The following TMEM178B variants were observed in gnomAD, a reference collection of about 807,000 sequenced individuals.
TMEM178B encodes transmembrane protein 178B.
In TMEM178B, 5 loss-of-function variants were observed where a neutral mutation model predicts 31.0. The observed-to-expected ratio is 0.16, with a 90% CI of 0.08 to 0.34. The LOEUF (loss-of-function observed/expected upper bound fraction) is 0.34, where lower values mean the gene tolerates loss of function less well. TMEM178B is among the 10% of genes least tolerant of loss of function. The pLI is 1.00. For synonymous variants in TMEM178B, 164 were observed against 164.0 expected (o/e 1.00, Z 0.00); for missense variants, 275 against 400.3 (o/e 0.69, Z 2.67).
intron 2 of TMEM178B, among the ~76,000 whole-genome samples, chr7:141,213,641 T>A (rs977676982): frequency 6.6e-6 from 1 of 152,206 alleles, no homozygotes; most frequent in Non-Finnish European, 1.5e-5. Flanking sequence ...GATCTCTAGA[T>A]GGAAAACATC....
chr7:141,286,048 A>T (rs530654693), intron 2 of TMEM178B, among the ~76,000 whole-genome samples: 25 of 152,280 alleles, frequency 1.6e-4, no homozygotes, highest in Non-Finnish European at 1.9e-4. Context: ...CTATGTAACA[A>T]ACCTGCACGT....
chr7:141,420,047 T>C (rs1377529364), intron 2 of TMEM178B, among the ~76,000 whole-genome samples: 4 of 152,280 alleles, frequency 2.6e-5, no homozygotes, highest in Middle Eastern at 6.8e-3. Context: ...ACCCATTCCC[T>C]CCCTTCCTCA....
At chr7:141,369,227 T>C (rs1157072219) in intron 2 of TMEM178B, among the ~76,000 whole-genome samples, 4 of 152,124 alleles carry the variant, frequency 2.6e-5, no homozygotes, top group African/African-American at 4.8e-5. Flanking sequence ...AAAGATGTAG[T>C]TTCTTAAGTG....
At chr7:141,262,414 G>A (rs1798026867) in intron 2 of TMEM178B, among the ~76,000 whole-genome samples, 1 of 150,730 alleles carries the variant, frequency 6.6e-6, no homozygotes, top group East Asian at 1.9e-4. Context: ...AAGGGAGAAA[G>A]CGACAGCTTT....
chr7:141,166,270 T>C lies in TMEM178B; in HGVS notation c.383-46321T>C, dbSNP rs1796259058. ...CTCTAGGAGAGTGAGAAACACAGAC[T>C]GCAACCAGACAGGTGCTAAGAGGTC... is the stretch of plus-strand genomic sequence containing the variant. On this transcript the variant is annotated intron_variant, in intron 1 of 3. Transcript: ENST00000565468. Among the ~76,000 whole-genome samples the C allele has an allele frequency of 2.6e-5, 4 of 152,324 alleles. No individual in the cohort carries two copies. The South Asian group carries it at 8.3e-4, about 32-fold the overall frequency.
chr7:141,228,122 G>A (rs745705382), intron 2 of TMEM178B, among the ~76,000 whole-genome samples: 23 of 152,102 alleles, frequency 1.5e-4, no homozygotes, highest in South Asian at 2.1e-4. Flanking sequence ...CATGAATCGT[G>A]TATCTTTTTG....
chr7:141,097,763 G>C (rs893704316), intron 1 of TMEM178B, among the ~76,000 whole-genome samples: 3 of 147,986 alleles, frequency 2.0e-5, no homozygotes, highest in African/African-American at 7.5e-5. Context: ...ATCGCCATTC[G>C]CTTTATGTTT....
intron 2 of TMEM178B, among the ~76,000 whole-genome samples, chr7:141,307,708 T>A (rs1389593975): frequency 6.6e-6 from 1 of 152,230 alleles, no homozygotes. Context: ...AAACACTTGC[T>A]TTCAATCTTT....
chr7:141,459,062 T>C (rs189702128), intron 3 of TMEM178B, among the ~76,000 whole-genome samples: 2 of 152,230 alleles, frequency 1.3e-5, no homozygotes, highest in Non-Finnish European at 2.9e-5. Context: ...AGAGTTTCAC[T>C]CTTATTGCCC....
intron 1 of TMEM178B, among the ~76,000 whole-genome samples, chr7:141,127,973 A>G (rs1383810478): frequency 2.0e-5 from 3 of 152,184 alleles, no homozygotes; most frequent in Admixed American, 6.5e-5. Flanking sequence ...CGCGAACCAC[A>G]GGGCATAAGA....
At chr7:141,432,146 C>CTTTTTTTTTTTTTTTTTTTTT (rs71170797) in intron 2 of TMEM178B, among the ~76,000 whole-genome samples, 15 of 79,086 alleles carry the variant, frequency 1.9e-4, no homozygotes, top group African/African-American at 6.1e-4. Context: ...TTCACTGCAT[C>CTTTTTTTTTTTTTTTTTTTTT]TTTTTTTTTT....
At chr7:141,194,120 G>A (rs1796742260) in intron 1 of TMEM178B, among the ~76,000 whole-genome samples, 1 of 152,132 alleles carries the variant, frequency 6.6e-6, no homozygotes, top group Non-Finnish European at 1.5e-5. Flanking sequence ...TTCAAGTTGA[G>A]ATTTGGGTGG....
chr7:141,489,473 T>A, the TMEM178B span, among the ~76,000 whole-genome samples: 1 of 152,328 alleles, frequency 6.6e-6, no homozygotes, highest in East Asian at 1.9e-4. Flanking sequence ...TTTCCTGTTG[T>A]TAGCGATTTT....
At chr7:141,142,152 T>TCA (rs1399860949) in intron 1 of TMEM178B, among the ~76,000 whole-genome samples, 9,251 of 152,294 alleles carry the variant, frequency 0.061, 946 homozygotes, top group African/African-American at 0.21. Flanking sequence ...ATGCAGTGTT[T>TCA]GGTTTTCTAT....
intron 2 of TMEM178B, among the ~76,000 whole-genome samples, chr7:141,236,601 G>A (rs1453134479): frequency 1.3e-5 from 2 of 152,196 alleles, no homozygotes; most frequent in Non-Finnish European, 2.9e-5. Context: ...AGGGACAATT[G>A]CAGCACATGG....
At chr7:141,160,204 C>T (rs1044416822) in intron 1 of TMEM178B, among the ~76,000 whole-genome samples, 2 of 151,962 alleles carry the variant, frequency 1.3e-5, no homozygotes, top group Non-Finnish European at 2.9e-5. Flanking sequence ...TCCCTCACCC[C>T]ACTCCCACCC....
At chr7:141,303,290 C>T (rs1798758872) in intron 2 of TMEM178B, among the ~76,000 whole-genome samples, 2 of 152,132 alleles carry the variant, frequency 1.3e-5, no homozygotes, top group Non-Finnish European at 2.9e-5. Context: ...TAGCAGGATT[C>T]TTGTAGCCTC....
At chr7:141,483,861 G>A (rs1056322633), downstream of TMEM178B, among the ~76,000 whole-genome samples, 5 of 151,594 alleles carry the variant, frequency 3.3e-5, no homozygotes, top group African/African-American at 4.9e-5. Flanking sequence ...TTAACTTCCC[G>A]AGTAGCTGGG....
the TMEM178B span, among the ~76,000 whole-genome samples, chr7:141,508,806 G>A: frequency 6.6e-6 from 1 of 152,090 alleles, no homozygotes; most frequent in Non-Finnish European, 1.5e-5. Context: ...ACCTCCCCCT[G>A]GGTCCCTCCC....
Sources: allele counts gnomAD v4.1 joint callset (sites outside exome capture counted in the v4.1 genomes callset), GRCh38; gene constraint gnomAD v4.1.1; transcripts MANE v1.5; gene names NCBI Gene and HGNC (gene_info 2026-07-23, HGNC 2026-07-21).